The following SMYD3 variants were observed in gnomAD, a reference collection of about 807,000 sequenced individuals.
The protein encoded by SMYD3 is SET and MYND domain containing 3.
A neutral mutation model predicts 57.7 loss-of-function variants in SMYD3; 36 were observed. The observed-to-expected ratio is 0.62, with a 90% CI of 0.48 to 0.82. SMYD3 has a LOEUF of 0.82. Among genes scored for constraint, SMYD3 ranks in the 40% least tolerant of loss-of-function variants. The probability of loss-of-function intolerance (pLI) is 0.00; values close to 1 mark genes in which losing one functional copy is unlikely to be tolerated. For missense variants in SMYD3, 515 were observed against 538.8 expected (o/e 0.96, Z 0.44); for synonymous variants, 211 against 195.0 (o/e 1.08, Z -0.68).
intron 5 of SMYD3, among the ~76,000 whole-genome samples, chr1:246,065,909 T>A (rs953279437): frequency 6.6e-6 from 1 of 152,236 alleles, no homozygotes; most frequent in Non-Finnish European, 1.5e-5. Context: ...GTTACTAACA[T>A]GAGACTTTTT....
intron 5 of SMYD3, among the ~76,000 whole-genome samples, chr1:246,002,105 G>T (rs2059060382): frequency 6.6e-6 from 1 of 152,094 alleles, no homozygotes; most frequent in Non-Finnish European, 1.5e-5. Context: ...TTCACTGCAG[G>T]AACAAGTCAT....
rs997723252 is a variant in SMYD3 at position 246,425,999 on chromosome 1, T to C, written c.165-70905A>G. ...GGGGTTTTCTCTTCGATTATATCTC[T>C]TTTTTTTTAAGACTAGTCAAGCGCA... On this transcript the variant is annotated intron_variant, in intron 1 of 11. Coordinates refer to ENST00000490107, the MANE Select transcript of SMYD3 (RefSeq NM_001167740.2). 2.0e-5 allele frequency: 3 copies of C among 149,062 alleles called. No individual in the cohort carries two copies. In the South Asian group the frequency reaches 6.3e-4, roughly 31 times the overall value. 9.2% of individuals were successfully genotyped at this position (149,062 alleles called of 1,614,324 possible). A position where few individuals can be genotyped will look rare whatever the true frequency, so the allele number is the denominator to read the frequency against.
At chr1:245,928,180 G>A in intron 6 of SMYD3, 147 bp from the exon 7 acceptor site, 1 of 534,660 alleles carries the variant, frequency 1.9e-6, no homozygotes, top group Admixed American at 2.8e-5. Context: ...ACTCGGGGAT[G>A]CATTCACAGA....
chr1:245,953,269 T>C (rs776386107), intron 5 of SMYD3: 4 of 1,000,088 alleles, frequency 4.0e-6, no homozygotes, highest in South Asian at 4.7e-5. Context: ...ATTTGCTACA[T>C]TGGGAAACTT....
chr1:246,344,477 T>C (rs1385592252), intron 2 of SMYD3, among the ~76,000 whole-genome samples: 1 of 152,242 alleles, frequency 6.6e-6, no homozygotes, highest in Non-Finnish European at 1.5e-5. Flanking sequence ...ATGCATCTCT[T>C]TATTCATTTA....
At chr1:246,342,109 T>G (rs904133595) in intron 2 of SMYD3, among the ~76,000 whole-genome samples, 7 of 152,202 alleles carry the variant, frequency 4.6e-5, no homozygotes, top group Middle Eastern at 3.2e-3. Context: ...CAACAGTATT[T>G]TCCTCAGCTA....
intron 8 of SMYD3, among the ~76,000 whole-genome samples, chr1:245,896,398 A>AAAAAAC (rs2053794758): frequency 6.6e-6 from 1 of 151,152 alleles, no homozygotes; most frequent in African/African-American, 2.4e-5. Context: ...TCAAAAAAAA[A>AAAAAAC]AAAAAAAACA....
intron 5 of SMYD3, among the ~76,000 whole-genome samples, chr1:246,053,788 G>GA (rs61185279): frequency 0.033 from 4,620 of 139,976 alleles, 88 homozygotes; most frequent in South Asian, 0.046. Context: ...GATCTCTATG[G>GA]AAAAAAAAAA....
intron 5 of SMYD3, among the ~76,000 whole-genome samples, chr1:246,086,768 C>A (rs900071979): frequency 6.6e-6 from 1 of 151,586 alleles, no homozygotes; most frequent in African/African-American, 2.4e-5. Context: ...GCGGGACCTG[C>A]AGGTTTGTTA....
intron 10 of SMYD3, among the ~76,000 whole-genome samples, chr1:245,850,146 C>G (rs916560134): frequency 4.6e-5 from 7 of 152,178 alleles, no homozygotes; most frequent in African/African-American, 1.7e-4. Context: ...TGGAATCATG[C>G]TGTCACAGGT....
intron 1 of SMYD3, among the ~76,000 whole-genome samples, chr1:246,487,461 A>G (rs1016185610): frequency 6.8e-6 from 1 of 148,082 alleles, no homozygotes; most frequent in Non-Finnish European, 1.5e-5. Context: ...CTCTGTCTGG[A>G]AAAAAAAAAA....
intron 2 of SMYD3, among the ~76,000 whole-genome samples, chr1:246,347,472 G>A (rs888175798): frequency 2.6e-5 from 4 of 152,166 alleles, no homozygotes; most frequent in African/African-American, 9.7e-5. Context: ...TCTGTTTTAG[G>A]TGTTTATAGA....
chr1:246,413,495 G>T (rs766472002), intron 1 of SMYD3, among the ~76,000 whole-genome samples: 46 of 152,264 alleles, frequency 3.0e-4, no homozygotes, highest in Admixed American at 1.5e-3. Context: ...GATATAGTTT[G>T]AATATACGTC....
At chr1:246,152,606 A>C (rs1482995247) in intron 5 of SMYD3, among the ~76,000 whole-genome samples, 2 of 152,254 alleles carry the variant, frequency 1.3e-5, no homozygotes, top group Non-Finnish European at 2.9e-5. Context: ...CATTCTAAAG[A>C]GCAGACAAAC....
At chr1:245,855,311 G>A (rs748693355) in intron 10 of SMYD3, among the ~76,000 whole-genome samples, 8 of 108,910 alleles carry the variant, frequency 7.3e-5, no homozygotes, top group African/African-American at 1.6e-4. Context: ...TTTTCTCTCC[G>A]TTTTTAGGGG....
At chr1:246,227,822 A>AT (rs2063351150) in intron 5 of SMYD3, among the ~76,000 whole-genome samples, 1 of 152,190 alleles carries the variant, frequency 6.6e-6, no homozygotes, top group Non-Finnish European at 1.5e-5. Context: ...TAGTTTACAC[A>AT]TAAGTATTCA....
At chr1:245,870,840 C>CAT (rs2052150915) in intron 8 of SMYD3, among the ~76,000 whole-genome samples, 4 of 137,312 alleles carry the variant, frequency 2.9e-5, no homozygotes, top group Admixed American at 1.5e-4. Flanking sequence ...GTTAAACACA[C>CAT]GAATCCATCC....
At chr1:246,240,929 G>C (rs188940005) in intron 5 of SMYD3, among the ~76,000 whole-genome samples, 166 of 152,078 alleles carry the variant, frequency 1.1e-3, no homozygotes, top group Non-Finnish European at 1.5e-3. Context: ...TGTGATTTTT[G>C]CACATCGATT....
intron 2 of SMYD3, among the ~76,000 whole-genome samples, chr1:246,340,406 A>C (rs1041046262): frequency 6.6e-6 from 1 of 152,124 alleles, no homozygotes; most frequent in African/African-American, 2.4e-5. Flanking sequence ...ATTTCAAAAA[A>C]TATAAATAAA....
Sources: allele counts gnomAD v4.1 joint callset (sites outside exome capture counted in the v4.1 genomes callset), GRCh38; gene constraint gnomAD v4.1.1; transcripts MANE v1.5; gene names NCBI Gene and HGNC (gene_info 2026-07-23, HGNC 2026-07-21).